Variants in CASS4 observed in about 807,000 individuals in gnomAD.
The protein encoded by CASS4 is cas scaffolding protein family member 4.
Under a neutral mutation model 54.2 loss-of-function variants are expected in CASS4, and 22 were observed. The observed-to-expected ratio is 0.41, with a 90% CI of 0.29 to 0.58. CASS4 has a LOEUF of 0.58. Among genes scored for constraint, CASS4 ranks in the 20% least tolerant of loss-of-function variants. The probability of loss-of-function intolerance (pLI) is 0.36; values close to 1 mark genes in which losing one functional copy is unlikely to be tolerated. For missense variants in CASS4, 854 were observed against 986.7 expected, an observed-to-expected ratio of 0.87 and a Z score of 1.80; for synonymous variants, 409 against 391.5, an observed-to-expected ratio of 1.04 and a Z score of -0.53.
chr20:56,437,614 G>C lies in CASS4; in HGVS notation c.459+28G>C. 6.6e-7 allele frequency: 1 copy of C among 1,506,838 alleles called. No individual in the cohort carries two copies. 93.3% of individuals were successfully genotyped at this position (1,506,838 alleles called of 1,614,324 possible). ...ACGCATACTTCCACCTACTAGACATGGGTTGAGGGGTATGGAAACACCCAG... is the reference window on the plus strand; with the variant it reads ...ACGCATACTTCCACCTACTAGACATCGGTTGAGGGGTATGGAAACACCCAG... On this transcript the variant is annotated intron_variant, in intron 2 of 5. Transcript: ENST00000679887. The surrounding 1 kb of genome is among the most constrained non-coding windows in gnomAD (Gnocchi z 4.7).
chr20:56,429,204 C>T (rs1436759124), intron 1 of CASS4, among the ~76,000 whole-genome samples: 1 of 152,214 alleles, frequency 6.6e-6, no homozygotes, highest in Non-Finnish European at 1.5e-5. Flanking sequence ...GCGGATGTCT[C>T]TTATACCACC....
intron 3 of CASS4, among the ~76,000 whole-genome samples, chr20:56,448,147 A>G (rs1980818782): frequency 6.6e-6 from 1 of 151,910 alleles, no homozygotes; most frequent in African/African-American, 2.4e-5. Context: ...GTCTCAAAAA[A>G]AAAAAAAAAA....
chr20:56,446,030 C>G lies in CASS4; in HGVS notation c.561+29C>G, dbSNP rs150459970. The G allele has an allele frequency of 1.4e-5, 21 of 1,458,830 alleles. No homozygotes were observed. In the African/African-American group the frequency reaches 2.5e-4, roughly 17 times the overall value. The allele number at this position is 1,458,830 out of a possible 1,614,324, so 90.4% of individuals were successfully genotyped here. On this transcript the variant is annotated intron_variant, in intron 3 of 5. Transcript: ENST00000679887. ...AGCCTTGTTCAGGGGCCCCTCATCA[C>G]CCAGACCTCTGCGCCCAGAGTCTGG...
intron 1 of CASS4, among the ~76,000 whole-genome samples, chr20:56,428,589 G>C (rs185702263): frequency 2.0e-4 from 30 of 152,094 alleles, no homozygotes; most frequent in Admixed American, 7.2e-4. Context: ...AATGTCTTAC[G>C]CCTGGCCTGT....
Position 56,437,437 on chromosome 20 carries a change from C to T in CASS4, c.310C>T (p.Pro104Ser), listed in dbSNP as rs140416187. Residue 104 changes from proline (P) to serine (S), a missense_variant, in exon 2 of 6, where the codon CCC becomes TCC. Physicochemically the swap from Pro to Ser is moderately conservative, Grantham distance 74. Transcript: ENST00000679887. The surrounding 1 kb of genome is among the most constrained non-coding windows in gnomAD (Gnocchi z 4.7). ...GGAGACCTATCAGGTGCCCACTCTA[C>T]CCCGCCCTCCCACTCCAGGCCCCGT... ...SEETYQVPTL[P>S]RPPTPGPVYE... 1 of 1,613,882 alleles carries T rather than the reference C, an allele frequency of 6.2e-7. No individual in the cohort carries two copies. Among genetic ancestry groups the T allele is most frequent in the Non-Finnish European group, 8.5e-7 (1 of 1,179,918 alleles).
chr20:56,418,701 C>G (rs375835691), intron 1 of CASS4, among the ~76,000 whole-genome samples: 4 of 152,258 alleles, frequency 2.6e-5, no homozygotes, highest in East Asian at 1.9e-4. Flanking sequence ...GTCGCCGTGT[C>G]GGGTGGGGAG....
chr20:56,422,980 G>A (rs1979479764), intron 1 of CASS4, among the ~76,000 whole-genome samples: 1 of 152,224 alleles, frequency 6.6e-6, no homozygotes, highest in African/African-American at 2.4e-5. Flanking sequence ...GAACCAATGG[G>A]AGTGTGGGAG....
intron 1 of CASS4, among the ~76,000 whole-genome samples, chr20:56,423,634 TC>T (rs1979509361): frequency 6.6e-6 from 1 of 152,132 alleles, no homozygotes; most frequent in South Asian, 2.1e-4. Context: ...AACCTCCACC[TC>T]CCAAGTTCAA....
At chr20:56,435,843 A>G (rs1980126480) in intron 1 of CASS4, among the ~76,000 whole-genome samples, 3 of 152,062 alleles carry the variant, frequency 2.0e-5, no homozygotes, top group Admixed American at 2.0e-4. Flanking sequence ...CTCCGCCTCC[A>G]GGGTTCAAGC....
At chr20:56,450,415 C>T (rs1980940223) in intron 3 of CASS4, among the ~76,000 whole-genome samples, 184 bp from the exon 4 acceptor site, 1 of 152,164 alleles carries the variant, frequency 6.6e-6, no homozygotes, top group African/African-American at 2.4e-5. Flanking sequence ...TTGCCTCAGA[C>T]AAGGAAGGCG....
chr20:56,415,528 A>G (rs1036180351), intron 1 of CASS4, among the ~76,000 whole-genome samples: 5 of 152,196 alleles, frequency 3.3e-5, no homozygotes, highest in South Asian at 4.1e-4. Flanking sequence ...GCAACTACCA[A>G]TACGTACTGG....
At chr20:56,438,788 G>C (rs922005671) in intron 2 of CASS4, among the ~76,000 whole-genome samples, 3 of 152,168 alleles carry the variant, frequency 2.0e-5, no homozygotes, top group Admixed American at 6.5e-5. Flanking sequence ...ACCTGGGAGG[G>C]GAAGGTTGCA....
At chr20:56,436,336 A>ATG (rs35972653) in intron 1 of CASS4, among the ~76,000 whole-genome samples, 26,873 of 142,192 alleles carry the variant, frequency 0.19, 2,683 homozygotes, top group African/African-American at 0.27. Flanking sequence ...TGCTATATAT[A>ATG]TGTGTGTGTG....
chr20:56,451,675 C>G (rs933395571), intron 4 of CASS4, 144 bp from the exon 5 acceptor site: 1 of 655,252 alleles, frequency 1.5e-6, no homozygotes, highest in South Asian at 2.0e-5. Flanking sequence ...AAATGAGGCT[C>G]AAAAGAATCC....
At chr20:56,412,244 C>G, upstream of CASS4, 1 of 570,962 alleles carries the variant, frequency 1.8e-6, no homozygotes, top group Non-Finnish European at 3.1e-6. The surrounding 1 kb of genome is among the most constrained non-coding windows in gnomAD (Gnocchi z 4.2). Flanking sequence ...CTGGTCCTCC[C>G]CTGCTTCACT....
chr20:56,446,793 A>G (rs1980737242), intron 3 of CASS4, among the ~76,000 whole-genome samples: 2 of 152,278 alleles, frequency 1.3e-5, no homozygotes, highest in South Asian at 4.1e-4. Flanking sequence ...ATGGGGCCCA[A>G]ACATCAGGAT....
At chr20:56,412,170 G>T, upstream of CASS4, 2 of 437,502 alleles carry the variant, frequency 4.6e-6, no homozygotes, top group Non-Finnish European at 4.1e-6. This position sits in a 1 kb window ranked among gnomAD's most constrained non-coding sequence, Gnocchi z 4.2. Flanking sequence ...GCAAATGAGT[G>T]ACAGTCTCTA....
chr20:56,437,603 C>CTACTA lies in CASS4; in HGVS notation c.459+18_459+22dup. The CTACTA allele has an allele frequency of 6.6e-7, 1 of 1,518,724 alleles. No individual in the cohort carries two copies. The allele number at this position is 1,518,724 out of a possible 1,614,324, so 94.1% of individuals were successfully genotyped here. A position where few individuals can be genotyped will look rare whatever the true frequency, so the allele number is the denominator to read the frequency against. On this transcript the variant is annotated intron_variant, in intron 2 of 5. Transcript: ENST00000679887. This position sits in a 1 kb window ranked among gnomAD's most constrained non-coding sequence, Gnocchi z 4.7. ...CCAAAACAGGTACGCATACTTCCAC[C>CTACTA]TACTAGACATGGGTTGAGGGGTATG...
At chr20:56,455,133 T>TTA (rs11472394) in intron 5 of CASS4, among the ~76,000 whole-genome samples, 50 of 149,732 alleles carry the variant, frequency 3.3e-4, no homozygotes, top group Middle Eastern at 3.4e-3. Context: ...CTTCCTTTTT[T>TTA]AAAAAAAAAA....
Sources: allele counts gnomAD v4.1 joint callset (sites outside exome capture counted in the v4.1 genomes callset), GRCh38; gene constraint gnomAD v4.1.1; non-coding constraint Gnocchi (gnomAD v3.1); transcripts MANE v1.5; gene names NCBI Gene and HGNC (gene_info 2026-07-23, HGNC 2026-07-21).